The following RASAL2 variants were observed in gnomAD, a reference collection of about 807,000 sequenced individuals.
RASAL2 encodes the protein RAS protein activator like 2.
RASAL2 carries 58 observed loss-of-function variants against 128.9 expected under a neutral mutation model. The observed-to-expected ratio is 0.45, with a 90% CI of 0.36 to 0.56. RASAL2 has a LOEUF of 0.56. Ranked by LOEUF, RASAL2 falls within the 20% of genes least tolerant of loss-of-function variation. The pLI, the probability that RASAL2 is intolerant of heterozygous loss-of-function variation, is 0.00. For missense variants in RASAL2, 1,360 were observed against 1,601.6 expected (o/e 0.85, Z 2.57); for synonymous variants, 561 against 580.8 (o/e 0.97, Z 0.49).
chr1:178,395,220 A>C (rs887164488), intron 4 of RASAL2, among the ~76,000 whole-genome samples: 1 of 152,204 alleles, frequency 6.6e-6, no homozygotes, highest in Admixed American at 6.6e-5. Flanking sequence ...TCTAGACTAG[A>C]GCCCAGTCTT....
In RASAL2 at chr1:178,296,870, C is replaced by A. The variant is rs149919403; in HGVS notation, c.331-3122C>A. Among the ~76,000 whole-genome samples the A allele has an allele frequency of 7.1e-3, 1,079 of 151,728 alleles. 51 individuals carry two copies. The highest frequency in any genetic ancestry group is 0.062 in the Admixed American group (946 of 15,234). On this transcript the variant is annotated intron_variant, in intron 2 of 17. Transcript: ENST00000367649. ...TGTATTTAGTAGATATGGGGTTTCA[C>A]CATGTTGGTCAGGCTGGTCTTGAAC... is the stretch of plus-strand genomic sequence containing the variant.
At position 178,389,334 on chromosome 1, in the gene RASAL2, G is replaced by C. The variant is rs76954801; in HGVS notation, c.458-766G>C. 950 of 869,216 alleles carry C rather than the reference G, an allele frequency of 1.1e-3. 10 individuals are homozygous for C. In the African/African-American group the frequency reaches 0.016, roughly 15 times the overall value. The allele number at this position is 869,216 out of a possible 1,614,324, so 53.8% of individuals were successfully genotyped here. ...TATAATACGTATATATCTATCATCT[G>C]TGTGTGCGTGTGTATGCATATATAT... On this transcript the variant is annotated intron_variant, in intron 3 of 17. Transcript: ENST00000367649.
At chr1:178,259,200 G>A (rs1382425076) in intron 1 of RASAL2, among the ~76,000 whole-genome samples, 3 of 142,792 alleles carry the variant, frequency 2.1e-5, no homozygotes, top group African/African-American at 8.1e-5. Flanking sequence ...GCGCAATCTC[G>A]GCTCACTGCA....
At chr1:178,280,186 C>T (rs1370892424) in intron 1 of RASAL2, among the ~76,000 whole-genome samples, 1 of 152,134 alleles carries the variant, frequency 6.6e-6, no homozygotes, top group African/African-American at 2.4e-5. Flanking sequence ...TTAAACCACT[C>T]TTTCCTTTTC....
intron 1 of RASAL2, among the ~76,000 whole-genome samples, chr1:178,228,859 G>A (rs950533950): frequency 2.0e-5 from 3 of 151,980 alleles, no homozygotes; most frequent in African/African-American, 4.8e-5. Context: ...AAGATATTTT[G>A]TTATACTACT....
chr1:178,134,897 C>T (rs566216670), intron 1 of RASAL2, among the ~76,000 whole-genome samples: 72 of 152,124 alleles, frequency 4.7e-4, no homozygotes, highest in Admixed American at 7.2e-4. Flanking sequence ...TTTTGGGATA[C>T]GCAAGGCATT....
chr1:178,406,680 A>G (rs1674022257), intron 4 of RASAL2, among the ~76,000 whole-genome samples: 1 of 152,196 alleles, frequency 6.6e-6, no homozygotes, highest in Non-Finnish European at 1.5e-5. Flanking sequence ...GACATGACAG[A>G]TTCATGAAAA....
intron 3 of RASAL2, among the ~76,000 whole-genome samples, chr1:178,315,240 C>T (rs1668450802): frequency 6.7e-6 from 1 of 149,666 alleles, no homozygotes; most frequent in Admixed American, 6.6e-5. Flanking sequence ...AATAATGCCG[C>T]AATAACCATA....
At chr1:178,251,972 T>C (rs10913524) in intron 1 of RASAL2, among the ~76,000 whole-genome samples, 40,918 of 152,026 alleles carry the variant, frequency 0.27, 6,382 homozygotes, top group African/African-American at 0.44. Flanking sequence ...TCAGAAAAGA[T>C]ATACACATAA....
At chr1:178,162,482 T>C (rs1308053749) in intron 1 of RASAL2, among the ~76,000 whole-genome samples, 2 of 125,492 alleles carry the variant, frequency 1.6e-5, no homozygotes, top group Non-Finnish European at 3.2e-5. Flanking sequence ...ATTTATATTT[T>C]ATATAATATA....
intron 17 of RASAL2, among the ~76,000 whole-genome samples, chr1:178,472,271 G>GTA (rs1187777445): frequency 2.6e-5 from 4 of 151,790 alleles, no homozygotes; most frequent in Admixed American, 2.0e-4. Flanking sequence ...TTGTGTGTGT[G>GTA]TATTCACCAA....
At chr1:178,325,168 T>G (rs1288805257) in intron 3 of RASAL2, among the ~76,000 whole-genome samples, 1 of 152,236 alleles carries the variant, frequency 6.6e-6, no homozygotes, top group Non-Finnish European at 1.5e-5. Context: ...ACAACATTCC[T>G]ATTTTGTCTG....
At chr1:178,127,247 A>G (rs1659934490) in intron 1 of RASAL2, among the ~76,000 whole-genome samples, 1 of 152,184 alleles carries the variant, frequency 6.6e-6, no homozygotes, top group Non-Finnish European at 1.5e-5. Flanking sequence ...TAATGATAGT[A>G]TATTTATTAA....
At chr1:178,309,559 G>C (rs1390128408) in intron 3 of RASAL2, among the ~76,000 whole-genome samples, 1 of 152,116 alleles carries the variant, frequency 6.6e-6, no homozygotes, top group Non-Finnish European at 1.5e-5. Flanking sequence ...AGATTTGGAA[G>C]GATGTATGTG....
chr1:178,325,601 A>G (rs16852679), intron 3 of RASAL2, among the ~76,000 whole-genome samples: 6,243 of 152,298 alleles, frequency 0.041, 168 homozygotes, highest in Non-Finnish European at 0.065. Context: ...AGCAGTGCAT[A>G]TAACAGTTGG....
chr1:178,354,256 T>A (rs1670674037), intron 3 of RASAL2, among the ~76,000 whole-genome samples: 1 of 152,350 alleles, frequency 6.6e-6, no homozygotes, highest in African/African-American at 2.4e-5. Flanking sequence ...AGAAAAATCT[T>A]AAAATCATCT....
At position 178,338,085 on chromosome 1, in the gene RASAL2, A is replaced by G. The variant is rs180759125; in HGVS notation, c.457+37967A>G. On this transcript the variant is annotated intron_variant, in intron 3 of 17. Transcript: ENST00000367649. ...ATTATTTTTGTGCTCACTGATTTTC[A>G]AAAAGATCATGCATTTATGGTTTCA... Among the ~76,000 whole-genome samples the G allele has an allele frequency of 4.0e-4, 61 of 151,704 alleles. 1 individual carries two copies. Among genetic ancestry groups the G allele is most frequent in the South Asian group, 3.6e-3 (17 of 4,788 alleles).
At chr1:178,199,188 G>A (rs1571618985) in intron 1 of RASAL2, among the ~76,000 whole-genome samples, 2 of 152,210 alleles carry the variant, frequency 1.3e-5, no homozygotes, top group African/African-American at 2.4e-5. Context: ...GCAGTGTCCC[G>A]ATTTCCTAGT....
intron 1 of RASAL2, among the ~76,000 whole-genome samples, chr1:178,121,926 A>G (rs1270566800): frequency 1.3e-5 from 2 of 151,970 alleles, no homozygotes; most frequent in Non-Finnish European, 2.9e-5. Context: ...GCCATTTTTC[A>G]CTGACATCAC....
Sources: allele counts gnomAD v4.1 joint callset (sites outside exome capture counted in the v4.1 genomes callset), GRCh38; gene constraint gnomAD v4.1.1; transcripts MANE v1.5; gene names NCBI Gene and HGNC (gene_info 2026-07-23, HGNC 2026-07-21).